The following NOX3 variants were observed in gnomAD, a reference collection of about 807,000 sequenced individuals.
NOX3 encodes the protein NADPH oxidase catalytic subunit-like 3.
In NOX3, 74 loss-of-function variants were observed where a neutral mutation model predicts 76.7. That is an observed-to-expected ratio of 0.96 (90% CI 0.80 to 1.17). The LOEUF is 1.17. Ranked by LOEUF, NOX3 falls within the 50% of genes most tolerant of loss-of-function variation. The probability of loss-of-function intolerance (pLI) is 0.00; values close to 1 mark genes in which losing one functional copy is unlikely to be tolerated. For synonymous variants in NOX3, 263 were observed against 261.1 expected (o/e 1.01, Z -0.07); for missense variants, 695 against 703.3 (o/e 0.99, Z 0.13).
intron 10 of NOX3, among the ~76,000 whole-genome samples, chr6:155,418,408 C>A (rs899396182): frequency 2.0e-5 from 3 of 152,194 alleles, no homozygotes; most frequent in Non-Finnish European, 4.4e-5. Flanking sequence ...AGGGGCACAG[C>A]GTTCTCAGCT....
intron 12 of NOX3, among the ~76,000 whole-genome samples, chr6:155,402,321 T>C (rs1199567494): frequency 6.6e-6 from 1 of 152,222 alleles, no homozygotes; most frequent in Non-Finnish European, 1.5e-5. Context: ...TGAAATACTA[T>C]ACAATTTTCA....
In NOX3 at chr6:155,428,844, C is replaced by A. The variant is rs377545986; in HGVS notation, c.1095G>T (p.Glu365Asp). The change falls in exon 9 of 14, where the codon GAG becomes GAT. Residue 365 changes from glutamate (E) to aspartate (D), a missense_variant. By Grantham distance (45) the Glu-to-Asp change is conservative. Transcript: ENST00000159060. ...GGGCCTGTCCCTCTGCCCCAAAGGC[C>A]TCCAGTAGCGCTGCTGTCCAGTCTC... is the stretch of plus-strand genomic sequence containing the variant. Reference protein sequence around the residue: ...AAGDWTAALLEAFGAEGQALQ... With the variant: ...AAGDWTAALLDAFGAEGQALQ... 3.3e-5 allele frequency: 52 copies of A among 1,595,388 alleles called. No homozygotes were observed. The highest frequency in any genetic ancestry group is 4.1e-5 in the Non-Finnish European group (48 of 1,167,614).
chr6:155,444,329 G>A lies in NOX3; in HGVS notation c.341-911C>T, dbSNP rs904342362. On this transcript the variant is annotated intron_variant, in intron 4 of 13. Transcript: ENST00000159060. ...TGCCATCCCGCTCTGTCCCACCTGG[G>A]ATGTGAATAATCCCTTTGTCCAGCA... is the stretch of plus-strand genomic sequence containing the variant. Among the ~76,000 whole-genome samples the A allele has an allele frequency of 4.6e-5, 7 of 152,220 alleles. No homozygotes were observed. In the South Asian group the frequency reaches 6.2e-4, roughly 13 times the overall value.
intron 9 of NOX3, among the ~76,000 whole-genome samples, chr6:155,426,399 T>C (rs975985234): frequency 6.6e-6 from 1 of 152,004 alleles, no homozygotes; most frequent in Non-Finnish European, 1.5e-5. Context: ...ATCAAGCAAA[T>C]ATAAATATTT....
At chr6:155,431,723 A>G (rs939584709) in intron 7 of NOX3, among the ~76,000 whole-genome samples, 1 of 152,218 alleles carries the variant, frequency 6.6e-6, no homozygotes, top group Admixed American at 6.5e-5. Flanking sequence ...GAAGAGTTCT[A>G]TTTGTACTGA....
chr6:155,402,054 C>A (rs143450273), intron 12 of NOX3, among the ~76,000 whole-genome samples: 3 of 152,224 alleles, frequency 2.0e-5, no homozygotes, highest in African/African-American at 7.2e-5. Context: ...GATGTGACAA[C>A]GGTATTTTTA....
intron 7 of NOX3, among the ~76,000 whole-genome samples, chr6:155,435,998 GC>G (rs1401578897): frequency 4.6e-5 from 7 of 152,198 alleles, no homozygotes; most frequent in Non-Finnish European, 7.3e-5. Context: ...TTATAAAGAA[GC>G]CCTGAGCCTC....
At chr6:155,406,861 T>C (rs960549358) in intron 12 of NOX3, among the ~76,000 whole-genome samples, 11 of 152,222 alleles carry the variant, frequency 7.2e-5, no homozygotes, top group Admixed American at 2.0e-4. Context: ...ACCAAAGATG[T>C]CTTGAAAGCA....
At chr6:155,418,619 A>G (rs1776650381) in intron 10 of NOX3, among the ~76,000 whole-genome samples, 1 of 148,376 alleles carries the variant, frequency 6.7e-6, no homozygotes, top group Admixed American at 6.8e-5. Context: ...AAACAAAAGT[A>G]CTTAGAAACA....
intron 9 of NOX3, among the ~76,000 whole-genome samples, chr6:155,425,451 G>A (rs1344627735): frequency 6.6e-6 from 1 of 152,122 alleles, no homozygotes; most frequent in Admixed American, 6.5e-5. Flanking sequence ...TTGCTGGGTA[G>A]TTCAGCAGCA....
chr6:155,422,647 T>C (rs745801362), intron 10 of NOX3, 47 bp downstream of exon 10: 26 of 1,583,054 alleles, frequency 1.6e-5, no homozygotes, highest in South Asian at 1.0e-4. Flanking sequence ...TATAAGGACA[T>C]TGAACCTTTT....
chr6:155,435,052 C>T (rs1367076971), intron 7 of NOX3, among the ~76,000 whole-genome samples: 3 of 152,142 alleles, frequency 2.0e-5, no homozygotes, highest in African/African-American at 7.2e-5. Flanking sequence ...TATAAGACAT[C>T]AGAGAGAATA....
intron 10 of NOX3, among the ~76,000 whole-genome samples, chr6:155,412,489 C>T (rs921718332): frequency 1.3e-5 from 2 of 152,118 alleles, no homozygotes; most frequent in Non-Finnish European, 2.9e-5. Context: ...GAGAATAAGG[C>T]CTCTTCTTTC....
chr6:155,436,322 G>T, intron 7 of NOX3, 96 bp downstream of exon 7: 1 of 1,379,146 alleles, frequency 7.3e-7, no homozygotes, highest in Non-Finnish European at 1.0e-6. Flanking sequence ...GCTTTGTCTA[G>T]TGGTGAAATG....
At chr6:155,431,094 T>C (rs1366528524) in intron 7 of NOX3, among the ~76,000 whole-genome samples, 159 bp from the exon 8 acceptor site, 1 of 152,260 alleles carries the variant, frequency 6.6e-6, no homozygotes, top group African/African-American at 2.4e-5. Flanking sequence ...TTGTATTATA[T>C]ACTATAACAT....
chr6:155,403,723 C>A (rs773251079), intron 12 of NOX3, among the ~76,000 whole-genome samples: 1 of 152,074 alleles, frequency 6.6e-6, no homozygotes, highest in Admixed American at 6.6e-5. Context: ...TTACTCCCTG[C>A]GAAAAAATTG....
intron 4 of NOX3, among the ~76,000 whole-genome samples, chr6:155,450,156 G>A (rs1466962769): frequency 6.6e-6 from 1 of 152,160 alleles, no homozygotes; most frequent in African/African-American, 2.4e-5. Flanking sequence ...CCTGCTGGGG[G>A]AGCCCCAGGA....
intron 12 of NOX3, among the ~76,000 whole-genome samples, chr6:155,398,888 G>T (rs574106633): frequency 1.3e-5 from 2 of 152,314 alleles, no homozygotes; most frequent in East Asian, 3.9e-4. Context: ...AGGTCTGGCC[G>T]CTGGTCCTGT....
intron 9 of NOX3, among the ~76,000 whole-genome samples, chr6:155,428,042 A>C (rs1173852791): frequency 6.6e-6 from 1 of 152,222 alleles, no homozygotes; most frequent in Admixed American, 6.5e-5. Context: ...CTGGGATTAC[A>C]GGCATGTGCC....
Sources: allele counts gnomAD v4.1 joint callset (sites outside exome capture counted in the v4.1 genomes callset), GRCh38; gene constraint gnomAD v4.1.1; transcripts MANE v1.5; gene names NCBI Gene and HGNC (gene_info 2026-07-23, HGNC 2026-07-21).